MAGI2: variants seen among roughly 807,000 people sequenced by gnomAD.
MAGI2 encodes membrane-associated guanylate kinase, WW and PDZ domain-containing protein 2.
In MAGI2, 35 loss-of-function variants were observed where a neutral mutation model predicts 133.3. The ratio of observed to expected loss-of-function variants is 0.26; its 90% CI spans 0.20 to 0.35. The LOEUF (loss-of-function observed/expected upper bound fraction) is 0.35. Ranked by LOEUF, MAGI2 falls within the 10% of genes least tolerant of loss-of-function variation. The pLI is 1.00. For synonymous variants in MAGI2, 729 were observed against 710.6 expected (o/e 1.03, Z -0.41); for missense variants, 1,636 against 1,863.4 (o/e 0.88, Z 2.25).
At chr7:78,892,738 T>C (rs983198883) in intron 2 of MAGI2, among the ~76,000 whole-genome samples, 9 of 152,170 alleles carry the variant, frequency 5.9e-5, no homozygotes, top group Non-Finnish European at 1.2e-4. Context: ...TCAAGATGGA[T>C]TAAAGACTTA....
At chr7:78,796,321 A>G (rs963575094) in intron 2 of MAGI2, among the ~76,000 whole-genome samples, 61 of 152,266 alleles carry the variant, frequency 4.0e-4, no homozygotes, top group African/African-American at 1.3e-3. Flanking sequence ...AAAAATGATC[A>G]AAAGACCTGA....
chr7:79,317,898 T>C (rs985117453), intron 1 of MAGI2, among the ~76,000 whole-genome samples: 3 of 152,196 alleles, frequency 2.0e-5, no homozygotes, highest in African/African-American at 7.2e-5. Context: ...TCAGTTAAGA[T>C]GACACATTTT....
At chr7:78,305,292 T>C (rs541740622) in intron 9 of MAGI2, among the ~76,000 whole-genome samples, 1 of 152,280 alleles carries the variant, frequency 6.6e-6, no homozygotes, top group African/African-American at 2.4e-5. Flanking sequence ...CCTCGCTTGG[T>C]TGGCTCTCAG....
At chr7:78,128,832 T>C (rs925435487) in intron 18 of MAGI2, among the ~76,000 whole-genome samples, 27 of 152,236 alleles carry the variant, frequency 1.8e-4, no homozygotes, top group African/African-American at 5.5e-4. Flanking sequence ...ATGAGGTGCA[T>C]AATTTCGGCC....
intron 2 of MAGI2, chr7:78,946,624 T>G (rs1489421231): frequency 6.6e-6 from 1 of 152,206 alleles, no homozygotes; most frequent in Non-Finnish European, 1.5e-5. Context: ...TCATGCACCT[T>G]AGAGGTGGGT....
In MAGI2 at chr7:79,140,355, A is replaced by AT. The variant is rs556752242; in HGVS notation, c.302-133150dup. ...ATCAATTATTAGTCTGGGAAACATA[A>AT]TTTTTTGAAATTCACAAGCTCCTCA... On this transcript the variant is annotated intron_variant, in intron 1 of 21. Transcript: ENST00000354212. Among the ~76,000 whole-genome samples, 269 of 152,236 alleles carry AT rather than the reference A, an allele frequency of 1.8e-3. 4 individuals carry two copies. Among genetic ancestry groups the AT allele is most frequent in the South Asian group, 0.017 (83 of 4,822 alleles).
intron 2 of MAGI2, among the ~76,000 whole-genome samples, chr7:78,884,092 T>A (rs1796085789): frequency 6.6e-6 from 1 of 152,134 alleles, no homozygotes; most frequent in Admixed American, 6.6e-5. Flanking sequence ...GAGAAAATAT[T>A]TGCAAACTAT....
At chr7:78,297,346 T>A (rs1036716440) in intron 9 of MAGI2, among the ~76,000 whole-genome samples, 1 of 151,996 alleles carries the variant, frequency 6.6e-6, no homozygotes, top group Non-Finnish European at 1.5e-5. Context: ...CTGGAGAGGA[T>A]GTGGAGAAAT....
rs1409364226 is a variant in MAGI2, at chr7:79,198,883, G to T, written c.302-191677C>A. ...AGGCTGGGTGACAGAATGAGACCCT[G>T]TCTCAAAAAATAAATAAATAGTAAG... On this transcript the variant is annotated intron_variant, in intron 1 of 21. Coordinates refer to ENST00000354212, the MANE Select transcript of MAGI2 (RefSeq NM_012301.4). 1.3e-5 allele frequency among the ~76,000 whole-genome samples: 2 copies of T among 151,898 alleles called. 1 individual carries two copies. The highest frequency in any genetic ancestry group is 4.1e-4 in the South Asian group (2 of 4,820).
At chr7:79,330,064 A>G (rs1401004624) in intron 1 of MAGI2, among the ~76,000 whole-genome samples, 2 of 152,062 alleles carry the variant, frequency 1.3e-5, no homozygotes, top group Non-Finnish European at 2.9e-5. Flanking sequence ...ATAGTTGCAT[A>G]TTAAAACCTA....
chr7:78,882,751 A>G (rs935123429), intron 2 of MAGI2, among the ~76,000 whole-genome samples: 2 of 152,164 alleles, frequency 1.3e-5, no homozygotes, highest in Non-Finnish European at 2.9e-5. Context: ...AATTAAAAAC[A>G]ACACCCATAT....
In MAGI2 at chr7:78,760,696, T is replaced by G. The variant is rs142019633; in HGVS notation, c.419-133457A>C. ...GAGATTATGTGGGACACAAGTTTCC[T>G]CTTTTGCTTTGTATGTCCCCAGGAA... On this transcript the variant is annotated intron_variant, in intron 2 of 21. Transcript: ENST00000354212. Among the ~76,000 whole-genome samples the G allele has an allele frequency of 1.3e-4, 20 of 152,328 alleles. No homozygotes were observed. The East Asian group carries it at 3.9e-3, about 29-fold the overall frequency.
chr7:78,633,480 T>C (rs573071276), intron 2 of MAGI2, among the ~76,000 whole-genome samples: 33 of 151,580 alleles, frequency 2.2e-4, no homozygotes, highest in East Asian at 7.8e-4. Flanking sequence ...CCGAGGCGGG[T>C]GGATCACGAG....
At chr7:78,420,224 G>A (rs2151400743) in intron 6 of MAGI2, among the ~76,000 whole-genome samples, 1 of 152,230 alleles carries the variant, frequency 6.6e-6, no homozygotes, top group South Asian at 2.1e-4. Flanking sequence ...TTGAATAAAG[G>A]CTCTTCAGAG....
At chr7:79,391,443 G>A (rs1045330507) in intron 1 of MAGI2, among the ~76,000 whole-genome samples, 1 of 141,030 alleles carries the variant, frequency 7.1e-6, no homozygotes, top group African/African-American at 2.6e-5. Flanking sequence ...TTAAAGAAAC[G>A]GTTAAAAGAA....
chr7:78,978,081 A>C (rs369517326), intron 2 of MAGI2, among the ~76,000 whole-genome samples: 1 of 151,846 alleles, frequency 6.6e-6, no homozygotes, highest in East Asian at 1.9e-4. Flanking sequence ...GAGTAATAAA[A>C]AATAATACGG....
At position 79,170,137 on chromosome 7, in the gene MAGI2, CTTTTTTTTTTTTT is replaced by C. The variant is rs10539344; in HGVS notation, c.302-162944_302-162932del. Among the ~76,000 whole-genome samples, 6 of 42,950 alleles carry C rather than the reference CTTTTTTTTTTTTT, an allele frequency of 1.4e-4. No individual in the cohort carries two copies. In the East Asian group the frequency reaches 4.6e-3, roughly 33 times the overall value. 28.2% of individuals were successfully genotyped at this position (42,950 alleles called of 152,430 possible). A position where few individuals can be genotyped will look rare whatever the true frequency, so the allele number is the denominator to read the frequency against. On this transcript the variant is annotated intron_variant, in intron 1 of 21. Transcript: ENST00000354212. ...TCAATGGTTACTTTGAGATATTATA[CTTTTTTTTTTTTT>C]TTTTTTTTTTTTTTTTGAGACAGGG... is the stretch of plus-strand genomic sequence containing the variant.
At chr7:79,409,209 G>T (rs28427380) in intron 1 of MAGI2, among the ~76,000 whole-genome samples, 83,119 of 151,756 alleles carry the variant, frequency 0.55, 25,296 homozygotes, top group African/African-American at 0.81. Context: ...TTAATAGAGG[G>T]GCCAAAGAAT....
At position 78,645,043 on chromosome 7, in the gene MAGI2, A is replaced by G. The variant is rs200560310; in HGVS notation, c.419-17804T>C. On this transcript the variant is annotated intron_variant, in intron 2 of 21. Transcript: ENST00000354212. ...ATGAACAAAATTTTTGAAAGATATA[A>G]CTAAAGCATGTTTTATGTATAATAT... is the stretch of plus-strand genomic sequence containing the variant. Among the ~76,000 whole-genome samples, 71 of 138,180 alleles carry G rather than the reference A, an allele frequency of 5.1e-4. 1 individual carries two copies. In the East Asian group the frequency reaches 0.013, roughly 26 times the overall value. 90.7% of individuals were successfully genotyped at this position (138,180 alleles called of 152,430 possible).
Sources: allele counts gnomAD v4.1 joint callset (sites outside exome capture counted in the v4.1 genomes callset), GRCh38; gene constraint gnomAD v4.1.1; transcripts MANE v1.5; gene names NCBI Gene and HGNC (gene_info 2026-07-23, HGNC 2026-07-21).